ANKRD27: variants seen among roughly 807,000 people sequenced by gnomAD.
ANKRD27 encodes the protein ankyrin repeat domain 27, also known as ankyrin repeat domain-containing protein 27.
A neutral mutation model predicts 129.7 loss-of-function variants in ANKRD27; 112 were observed. The ratio of observed to expected loss-of-function variants is 0.86; its 90% CI spans 0.74 to 1.01. The LOEUF is 1.01. Ranked by LOEUF, ANKRD27 falls within the 50% of genes least tolerant of loss-of-function variation. The pLI is 0.00. For synonymous variants in ANKRD27, 516 were observed against 511.2 expected (o/e 1.01, Z -0.13); for missense variants, 1,258 against 1,300.5 (o/e 0.97, Z 0.50).
rs115084087 is a variant in ANKRD27 at position 32,607,267 on chromosome 19, G to A, written c.2373+368C>T. Among the ~76,000 whole-genome samples, 647 of 152,020 alleles carry A rather than the reference G, an allele frequency of 4.3e-3. 2 individuals carry two copies. Among genetic ancestry groups the A allele is most frequent in the African/African-American group, 0.015 (626 of 41,442 alleles). ...CCCTGACTGTTCTTTATGAAGTGCTGAACTGTTTGGCCCAGAGCAAGGCAC... is the reference window on the plus strand; with the variant it reads ...CCCTGACTGTTCTTTATGAAGTGCTAAACTGTTTGGCCCAGAGCAAGGCAC... On this transcript the variant is annotated intron_variant, in intron 23 of 28. Transcript: ENST00000306065.
chr19:32,633,020 C>G (rs1356269607), intron 12 of ANKRD27, among the ~76,000 whole-genome samples: 1 of 152,202 alleles, frequency 6.6e-6, no homozygotes, highest in Admixed American at 6.5e-5. Context: ...CTCTAACAAT[C>G]CACTTTACAC....
chr19:32,635,819 G>C (rs1371409854), intron 12 of ANKRD27, among the ~76,000 whole-genome samples: 1 of 152,158 alleles, frequency 6.6e-6, no homozygotes, highest in African/African-American at 2.4e-5. Context: ...AACGAGTACA[G>C]CGAGATCATG....
intron 12 of ANKRD27, chr19:32,637,598 G>A (rs879429118): frequency 1.3e-5 from 2 of 152,298 alleles, no homozygotes; most frequent in Non-Finnish European, 2.9e-5. Context: ...CACTCTGCAG[G>A]GCCAACAGGA....
intron 16 of ANKRD27, 112 bp from the exon 17 acceptor site, chr19:32,626,078 C>T: frequency 4.1e-6 from 3 of 737,890 alleles, no homozygotes; most frequent in Middle Eastern, 4.0e-4. Context: ...CTTATTTATG[C>T]TACTATTCAA....
chr19:32,609,675 G>C (rs80010642), intron 22 of ANKRD27, among the ~76,000 whole-genome samples: 1 of 140,574 alleles, frequency 7.1e-6, no homozygotes, highest in Non-Finnish European at 1.6e-5. Flanking sequence ...GGTCATAGTG[G>C]GGGGGAAGGC....
intron 22 of ANKRD27, 91 bp from the exon 23 acceptor site, chr19:32,607,923 C>T: frequency 1.6e-6 from 2 of 1,287,448 alleles, no homozygotes. Flanking sequence ...CCACAGCTCC[C>T]ACACACAATG....
chr19:32,656,117 GAAAAGA>G lies in ANKRD27; in HGVS notation c.102+2791_102+2796del, dbSNP rs1568417865. ...AAAGAAAGAAAGAAAGAAAAGAAAA[GAAAAGA>G]AAAGAAAAGAAAAGAAAAAGAAAAG... is the stretch of plus-strand genomic sequence containing the variant. On this transcript the variant is annotated intron_variant, in intron 2 of 28. Coordinates refer to ENST00000306065, the MANE Select transcript of ANKRD27 (RefSeq NM_032139.3). Among the ~76,000 whole-genome samples, 747 of 115,602 alleles carry G rather than the reference GAAAAGA, an allele frequency of 6.5e-3. 8 individuals are homozygous for G. Among genetic ancestry groups the G allele is most frequent in the African/African-American group, 0.021 (603 of 29,400 alleles). The allele number at this position is 115,602 out of a possible 152,430, so 75.8% of individuals were successfully genotyped here. A position where few individuals can be genotyped will look rare whatever the true frequency, so the allele number is the denominator to read the frequency against.
At chr19:32,642,172 C>T in intron 9 of ANKRD27, 27 bp from the exon 10 acceptor site, 1 of 1,558,942 alleles carries the variant, frequency 6.4e-7, no homozygotes, top group Non-Finnish European at 8.7e-7. Context: ...AAAGTGACAA[C>T]TTCAGAGCAC....
intron 25 of ANKRD27, 112 bp downstream of exon 25, chr19:32,604,151 G>A (rs2287670): frequency 0.15 from 182,846 of 1,259,418 alleles, 16,053 homozygotes; most frequent in African/African-American, 0.33. Context: ...CGCCCAGCCC[G>A]GCGATGCCAA....
chr19:32,643,196 C>T lies in ANKRD27; in HGVS notation c.709G>A (p.Ala237Thr). 1 of 1,614,120 alleles carries T rather than the reference C, an allele frequency of 6.2e-7. No homozygotes were observed. The highest frequency in any genetic ancestry group is 8.5e-7 in the Non-Finnish European group (1 of 1,180,034). ...CTTCTTGTGATTTTGTTAAAGGCCG[C>T]ATCCTAACAACAGATTTTAACGAAC... is the stretch of plus-strand genomic sequence containing the variant. ...YVGTMEASED[A>T]AFNKITRSLQ... Residue 237 changes from alanine to threonine, a missense_variant, in exon 9 of 29, where the codon GCG becomes ACG. Coordinates refer to ENST00000306065, the MANE Select transcript of ANKRD27 (RefSeq NM_032139.3).
chr19:32,610,736 G>A (rs1971823397), intron 22 of ANKRD27, among the ~76,000 whole-genome samples: 1 of 152,182 alleles, frequency 6.6e-6, no homozygotes, highest in Non-Finnish European at 1.5e-5. Flanking sequence ...AGGTTGCAGT[G>A]AGCCAATATT....
intron 22 of ANKRD27, among the ~76,000 whole-genome samples, chr19:32,612,633 A>T (rs1437829941): frequency 6.6e-6 from 1 of 152,036 alleles, no homozygotes. Flanking sequence ...CAGAACAGAG[A>T]ACCCAGAAAT....
In ANKRD27 at chr19:32,613,706, C is replaced by CTTTTTTTTTTTTTTTTTTTTTT. The variant is rs58394462; in HGVS notation, c.2175+1951_2175+1952insAAAAAAAAAAAAAAAAAAAAAA. ...GTATACTGTGATTACATTTATGTAA[C>CTTTTTTTTTTTTTTTTTTTTTT]TTTTTTTTTTTTTTTTTTTTGAGAC... On this transcript the variant is annotated intron_variant, in intron 22 of 28. Coordinates refer to ENST00000306065, the MANE Select transcript of ANKRD27 (RefSeq NM_032139.3). 7.5e-5 allele frequency among the ~76,000 whole-genome samples: 10 copies of CTTTTTTTTTTTTTTTTTTTTTT among 132,994 alleles called. 2 individuals are homozygous for CTTTTTTTTTTTTTTTTTTTTTT. Among genetic ancestry groups the CTTTTTTTTTTTTTTTTTTTTTT allele is most frequent in the Non-Finnish European group, 3.2e-5 (2 of 62,424 alleles). 87.2% of individuals were successfully genotyped at this position (132,994 alleles called of 152,430 possible).
chr19:32,625,873 C>A lies in ANKRD27; in HGVS notation c.1629+1G>T, dbSNP rs768408308. 3.1e-6 allele frequency: 5 copies of A among 1,591,018 alleles called. No homozygotes were observed. The highest frequency in any genetic ancestry group is 3.7e-5 in the Admixed American group (2 of 54,776). ...CCCCCGGAACAGCAAGAGCCACTCA[C>A]GTCCTCGTGGCCGTAGGTGCAGGCC... is the stretch of plus-strand genomic sequence containing the variant. On this transcript the variant is annotated splice_donor_variant, in intron 17 of 28. Coordinates refer to ENST00000306065, the MANE Select transcript of ANKRD27 (RefSeq NM_032139.3). LOFTEE classifies it high-confidence loss of function.
intron 1 of ANKRD27, among the ~76,000 whole-genome samples, chr19:32,660,663 A>G (rs1967627327): frequency 6.6e-6 from 1 of 152,216 alleles, no homozygotes; most frequent in Non-Finnish European, 1.5e-5. Flanking sequence ...CCCAGCCTCC[A>G]GAACTGTGAG....
At chr19:32,647,709 T>C (rs1214258077) in intron 3 of ANKRD27, among the ~76,000 whole-genome samples, 3 of 152,226 alleles carry the variant, frequency 2.0e-5, no homozygotes, top group East Asian at 1.9e-4. Flanking sequence ...GTCAGCTTAG[T>C]TGATTTGTTC....
chr19:32,604,407 G>A lies in ANKRD27; in HGVS notation c.2511C>T (p.Asn837=), dbSNP rs45538631. 8,775 of 1,606,974 alleles carry A rather than the reference G, an allele frequency of 5.5e-3. 69 individuals are homozygous for A. The highest frequency in any genetic ancestry group is 0.026 in the Middle Eastern group (159 of 6,044). Residue 837 remains asparagine, a synonymous_variant, in exon 25 of 29, where the codon AAC becomes AAT. Coordinates refer to ENST00000306065, the MANE Select transcript of ANKRD27 (RefSeq NM_032139.3). ...CTGTGTTGCCCTTATTGTTAGAAGC[G>A]TTAATGGAGGCCCCGTGCTGGAAAG... The part of the protein sequence containing the change: ...ALLLQHGASI[N]ASNNKGNTAL...
chr19:32,607,563 G>GT (rs1568396698), intron 23 of ANKRD27, 72 bp downstream of exon 23: 2 of 1,539,148 alleles, frequency 1.3e-6, no homozygotes, highest in East Asian at 4.8e-5. Context: ...CCCCTGCAGC[G>GT]TTCCTACCAA....
At chr19:32,664,652 AT>A (rs1967713252) in intron 1 of ANKRD27, among the ~76,000 whole-genome samples, 3 of 146,644 alleles carry the variant, frequency 2.0e-5, no homozygotes, top group Non-Finnish European at 3.0e-5. Context: ...AATAATAATA[AT>A]AATAATAAAA....
Sources: allele counts gnomAD v4.1 joint callset (sites outside exome capture counted in the v4.1 genomes callset), GRCh38; gene constraint gnomAD v4.1.1; transcripts MANE v1.5; gene names NCBI Gene and HGNC (gene_info 2026-07-23, HGNC 2026-07-21).